The following PDE4DIP variants were observed in gnomAD, a reference collection of about 807,000 sequenced individuals.
PDE4DIP encodes phosphodiesterase 4D interacting protein, also known as myomegalin.
In PDE4DIP, 59 loss-of-function variants were observed where a neutral mutation model predicts 221.4. The observed-to-expected ratio is 0.27, with a 90% CI of 0.22 to 0.33. The LOEUF is 0.33. PDE4DIP is among the 10% of genes least tolerant of loss of function. The pLI, the probability that PDE4DIP is intolerant of heterozygous loss-of-function variation, is 1.00. For missense variants in PDE4DIP, 1,036 were observed against 2,154.2 expected (o/e 0.48, Z 10.28); for synonymous variants, 404 against 815.9 (o/e 0.50, Z 8.60).
At chr1:148,976,631 A>G (rs1269796070) in intron 17 of PDE4DIP, among the ~76,000 whole-genome samples, 2 of 152,164 alleles carry the variant, frequency 1.3e-5, no homozygotes, top group Non-Finnish European at 2.9e-5. Flanking sequence ...GTTAATTTCT[A>G]TTGGGGAGAT....
intron 21 of PDE4DIP, among the ~76,000 whole-genome samples, chr1:148,986,953 T>C: frequency 6.6e-6 from 1 of 152,344 alleles, no homozygotes; most frequent in Middle Eastern, 3.4e-3. Context: ...CTGGGAGTCC[T>C]AATTTACATG....
intron 34 of PDE4DIP, chr1:149,018,263 A>G (rs1212019121): frequency 4.7e-6 from 2 of 427,592 alleles, no homozygotes; most frequent in East Asian, 4.0e-5. Context: ...TGTGGAGGCC[A>G]GTCTTTCCAT....
At position 148,934,094 on chromosome 1, in the gene PDE4DIP, T is replaced by C. The variant is rs1227599837; in HGVS notation, c.518+1806T>C. The stretch of plus-strand genomic sequence containing the variant: ...TGGCAAGTCTCCAGAATTTTGCTCA[T>C]GCTTTTCCTTCTGTGGGAAACATCT... On this transcript the variant is annotated intron_variant, in intron 4 of 43. Transcript: ENST00000369354. 1.2e-4 allele frequency among the ~76,000 whole-genome samples: 18 copies of C among 147,878 alleles called. No homozygotes were observed. In the Admixed American group the frequency reaches 1.2e-3, roughly 10 times the overall value.
chr1:149,010,346 C>G (rs2068225594), intron 30 of PDE4DIP, 97 bp from the exon 34 acceptor site: 2 of 989,518 alleles, frequency 2.0e-6, no homozygotes, highest in Non-Finnish European at 3.1e-6. Context: ...TCCCTGAAAG[C>G]AAGACTCTAG....
chr1:149,010,354 T>C (rs1553603971), intron 30 of PDE4DIP, 89 bp from the exon 34 acceptor site: 1 of 1,123,846 alleles, frequency 8.9e-7, no homozygotes, highest in Non-Finnish European at 1.3e-6. Flanking sequence ...AGCAAGACTC[T>C]AGCCCTGGTA....
chr1:149,015,135 A>G (rs587716097), intron 32 of PDE4DIP, among the ~76,000 whole-genome samples: 3 of 152,130 alleles, frequency 2.0e-5, no homozygotes, highest in Non-Finnish European at 4.4e-5. Flanking sequence ...AGAGAGACTC[A>G]TGACAAGACT....
At chr1:149,032,234 A>G (rs1482905136) in exon 44 of PDE4DIP, 1 of 638,506 alleles carries the variant, frequency 1.6e-6, no homozygotes, top group Non-Finnish European at 2.7e-6. Context: ...TTGGCCCAGC[A>G]CTAAGAAAAA....
intron 23 of PDE4DIP, among the ~76,000 whole-genome samples, chr1:149,001,083 A>G (rs587719401): frequency 6.6e-6 from 1 of 152,386 alleles, no homozygotes; most frequent in East Asian, 1.9e-4. Context: ...TGAGCCAGAC[A>G]TAAAGCAAAC....
intron 20 of PDE4DIP, 86 bp from the exon 24 acceptor site, chr1:148,981,184 G>C: frequency 8.2e-7 from 1 of 1,219,294 alleles, no homozygotes; most frequent in Non-Finnish European, 1.2e-6. Flanking sequence ...GGCTCAAAGT[G>C]GTATTGATGG....
intron 41 of PDE4DIP, 63 bp from the exon 45 acceptor site, chr1:149,029,724 C>T: frequency 1.2e-6 from 1 of 800,806 alleles, no homozygotes. Flanking sequence ...TGGAAAGAGC[C>T]ACAAAGCACA....
At chr1:149,007,035 G>A in intron 27 of PDE4DIP, 166 bp from the exon 31 acceptor site, 1 of 586,332 alleles carries the variant, frequency 1.7e-6, no homozygotes, top group East Asian at 2.9e-5. Context: ...ACTTTATCAG[G>A]GTAGAATTTA....
intron 1 of PDE4DIP, among the ~76,000 whole-genome samples, chr1:148,926,743 G>A (rs1243570629): frequency 6.6e-6 from 1 of 151,838 alleles, no homozygotes; most frequent in Non-Finnish European, 1.5e-5. Flanking sequence ...TCTATGAAGG[G>A]CCTCTAGCTT....
At chr1:148,821,849 T>G (rs1669347339) in intron 1 of PDE4DIP, among the ~76,000 whole-genome samples, 1 of 149,968 alleles carries the variant, frequency 6.7e-6, no homozygotes, top group African/African-American at 2.5e-5. Context: ...TGCTGGCTAT[T>G]GCAGTAAGTA....
At chr1:148,983,483 G>T (rs587697034) in intron 21 of PDE4DIP, 7 of 152,254 alleles carry the variant, frequency 4.6e-5, no homozygotes, top group African/African-American at 1.4e-4. Flanking sequence ...TAACTTTTTC[G>T]GGTCTAGATA....
chr1:149,015,130 G>C (rs1345445479), intron 32 of PDE4DIP, among the ~76,000 whole-genome samples: 21 of 152,024 alleles, frequency 1.4e-4, no homozygotes, highest in African/African-American at 5.1e-4. Flanking sequence ...TTAGAAGAGA[G>C]ACTCATGACA....
intron 1 of PDE4DIP, 129 bp from the exon 1 acceptor site, chr1:148,844,299 G>C (rs1553380146): frequency 2.1e-6 from 1 of 478,940 alleles, no homozygotes; most frequent in African/African-American, 1.9e-5. Context: ...GAGAGGGGTC[G>C]GGGAGACGCG....
At chr1:148,950,087 C>T (rs2052770981) in intron 5 of PDE4DIP, among the ~76,000 whole-genome samples, 1 of 152,164 alleles carries the variant, frequency 6.6e-6, no homozygotes, top group South Asian at 2.1e-4. Context: ...AGAGAATAAC[C>T]CAAAATATAA....
At chr1:148,832,874 GGATA>G (rs1316598813) in intron 1 of PDE4DIP, among the ~76,000 whole-genome samples, 1 of 122,298 alleles carries the variant, frequency 8.2e-6, no homozygotes, top group African/African-American at 2.7e-5. Context: ...TGTTCATCAG[GGATA>G]TTGGTCTAAA....
At chr1:148,935,267 C>T (rs1436758012) in intron 4 of PDE4DIP, among the ~76,000 whole-genome samples, 2 of 150,376 alleles carry the variant, frequency 1.3e-5, no homozygotes, top group Non-Finnish European at 3.0e-5. Context: ...AGCAGATTTT[C>T]AAGGACCTGG....
Sources: gnomAD v4.1 joint callset for allele counts (sites outside exome capture counted in the v4.1 genomes callset) on GRCh38, gnomAD v4.1.1 for gene constraint, MANE v1.5 for transcripts, NCBI Gene and HGNC (gene_info 2026-07-23, HGNC 2026-07-21) for gene names.